Variants in H4C12 observed in about 807,000 individuals in gnomAD.
The protein encoded by H4C12 is histone H4.
Under a neutral mutation model 4.2 loss-of-function variants are expected in H4C12, and 3 were observed. The observed-to-expected ratio is 0.72, with a 90% CI of 0.33 to 1.86. The LOEUF is 1.86. H4C12 is among the 40% of genes most tolerant of loss of function. The pLI, the probability that H4C12 is intolerant of heterozygous loss-of-function variation, is 0.08. For missense variants in H4C12, 81 were observed against 154.6 expected (o/e 0.52, Z 2.52); for synonymous variants, 71 against 65.0 (o/e 1.09, Z -0.44).
rs781475821 is a variant in H4C12, at chr6:27,831,326, G to T, written c.202C>A (p.Arg68=). The change falls in exon 1 of 1, where the codon CGG becomes AGG. Residue 68 remains arginine (R), a synonymous_variant. Transcript: ENST00000611927. ...TGCTCTGTATAGGTCACGGCGTCCC[G>T]GATCACGTTCTCCAGGAACACCTTC... ...VLKVFLENVI[R]DAVTYTEHAK... is the part of the protein sequence containing the mutation. 1 of 1,597,240 alleles carries T rather than the reference G, an allele frequency of 6.3e-7. No individual in the cohort carries two copies. Among genetic ancestry groups the T allele is most frequent in the South Asian group, 1.1e-5 (1 of 90,038 alleles).
rs1195214117 is a variant in H4C12 at position 27,831,428 on chromosome 6, C to T, written c.100G>A (p.Ala34Thr). The T allele has an allele frequency of 6.3e-7, 1 of 1,580,730 alleles. No homozygotes were observed. Residue 34 changes from alanine to threonine, a missense_variant, in exon 1 of 1, where the codon GCC (alanine) becomes ACC (threonine). By Grantham distance (58) the Ala-to-Thr change is moderately conservative (BLOSUM62 0). This residue lies in a region of H4C12 where 25 missense variants were observed against 76.3 expected (regional missense o/e 0.33). Transcript: ENST00000611927. ...CCGCGGCGAGCAAGGCGCCGGATGGCCGGCTTGGTGATGCCCTGGATATTG... is the reference window on the plus strand; with the variant it reads ...CCGCGGCGAGCAAGGCGCCGGATGGTCGGCTTGGTGATGCCCTGGATATTG... ...RDNIQGITKP[A>T]IRRLARRGGV...
In H4C12 at chr6:27,831,219, A is replaced by G; in HGVS notation, c.309T>C (p.Gly103=). Residue 103 remains glycine, a synonymous_variant, in exon 1 of 1, where the codon GGT becomes GGC. Transcript: ENST00000611927. The part of the protein sequence containing the change: ...RQGRTLYGFG[G] ...TTTTGTTGATAGAAAGGGACGCTCA[A>G]CCACCGAAACCGTAGAGGGTGCGGC... The G allele has an allele frequency of 6.2e-7, 1 of 1,603,376 alleles. No homozygotes were observed. The highest frequency in any genetic ancestry group is 8.5e-7 in the Non-Finnish European group (1 of 1,175,754).
Position 27,831,245 on chromosome 6 carries a change from C to T in H4C12, c.283G>A (p.Gly95Ser), listed in dbSNP as rs1400562088. The T allele has an allele frequency of 6.3e-7, 1 of 1,590,848 alleles. No homozygotes were observed. The highest frequency in any genetic ancestry group is 1.4e-5 in the African/African-American group (1 of 73,950). The change falls in exon 1 of 1, where the codon GGC becomes AGC. Residue 95 changes from glycine (G) to serine (S), a missense_variant. Transcript: ENST00000611927. Reference protein sequence around the residue: ...MDVVYALKRQGRTLYGFGG With the variant: ...MDVVYALKRQSRTLYGFGG ...CCACCGAAACCGTAGAGGGTGCGGCCCTGGCGCTTGAGCGCGTAGACCACA... is the reference window on the plus strand; with the variant it reads ...CCACCGAAACCGTAGAGGGTGCGGCTCTGGCGCTTGAGCGCGTAGACCACA...
Position 27,831,319 on chromosome 6 carries a change from G to A in H4C12, c.209C>T (p.Ala70Val), listed in dbSNP as rs966134285. 13 of 1,596,058 alleles carry A rather than the reference G, an allele frequency of 8.1e-6. No homozygotes were observed. The highest frequency in any genetic ancestry group is 1.1e-5 in the Non-Finnish European group (13 of 1,168,618). Residue 70 changes from alanine (A) to valine (V), a missense_variant, in exon 1 of 1, where the codon GCC becomes GTC. Coordinates refer to ENST00000611927, the MANE Select transcript of H4C12 (RefSeq NM_003541.3). ...KVFLENVIRD[A>V]VTYTEHAKRK... The stretch of plus-strand genomic sequence containing the variant: ...CTTGGCGTGCTCTGTATAGGTCACG[G>A]CGTCCCGGATCACGTTCTCCAGGAA...
Position 27,831,214 on chromosome 6 carries a change from G to A in H4C12, c.*2C>T, listed in dbSNP as rs748565395. Reference sequence around the variant, plus strand: ...GGGCCTTTTGTTGATAGAAAGGGACGCTCAACCACCGAAACCGTAGAGGGT... The same window carrying A: ...GGGCCTTTTGTTGATAGAAAGGGACACTCAACCACCGAAACCGTAGAGGGT... On this transcript the variant is annotated 3_prime_UTR_variant, in exon 1 of 1. Coordinates refer to ENST00000611927, the MANE Select transcript of H4C12 (RefSeq NM_003541.3). The A allele has an allele frequency of 1.2e-5, 19 of 1,604,072 alleles. No homozygotes were observed. In the Admixed American group the frequency reaches 2.4e-4, roughly 21 times the overall value.
At position 27,831,291 on chromosome 6, in the gene H4C12, G is replaced by A; in HGVS notation, c.237C>T (p.Arg79=). The change falls in exon 1 of 1, where the codon CGC becomes CGT. Residue 79 remains arginine, a synonymous_variant. Transcript: ENST00000611927. ...CCACATCCATGGCGGTGACCGTCTTGCGCTTGGCGTGCTCTGTATAGGTCA... is the reference window on the plus strand; with the variant it reads ...CCACATCCATGGCGGTGACCGTCTTACGCTTGGCGTGCTCTGTATAGGTCA... The part of the protein sequence containing the change: ...DAVTYTEHAK[R]KTVTAMDVVY... The A allele has an allele frequency of 6.4e-7, 1 of 1,572,890 alleles. No homozygotes were observed. The highest frequency in any genetic ancestry group is 8.6e-7 in the Non-Finnish European group (1 of 1,162,376).
In H4C12 at chr6:27,831,315, C is replaced by T. The variant is rs764527111; in HGVS notation, c.213G>A (p.Val71=). ...TGCGCTTGGCGTGCTCTGTATAGGTCACGGCGTCCCGGATCACGTTCTCCA... is the reference window on the plus strand; with the variant it reads ...TGCGCTTGGCGTGCTCTGTATAGGTTACGGCGTCCCGGATCACGTTCTCCA... ...VFLENVIRDA[V]TYTEHAKRKT... is the part of the protein sequence containing the mutation. Residue 71 remains valine (V), a synonymous_variant, in exon 1 of 1, where the codon GTG becomes GTA. Transcript: ENST00000611927. The T allele has an allele frequency of 5.0e-6, 8 of 1,595,064 alleles. No individual in the cohort carries two copies. The South Asian group carries it at 5.6e-5, about 11-fold the overall frequency.
Position 27,831,556 on chromosome 6 carries a change from T to C in H4C12, c.-29A>G, listed in dbSNP as rs375610604. ...GAGCAAGAGGAGTCTCACCCAACGC[T>C]TTGTGAGGACTCTGGCCTGAGGCAG... On this transcript the variant is annotated 5_prime_UTR_variant, in exon 1 of 1. Coordinates refer to ENST00000611927, the MANE Select transcript of H4C12 (RefSeq NM_003541.3). The C allele has an allele frequency of 3.0e-4, 471 of 1,585,028 alleles. 2 individuals are homozygous for C. Among genetic ancestry groups the C allele is most frequent in the Non-Finnish European group, 3.9e-4 (449 of 1,163,382 alleles).
chr6:27,831,285 C>G lies in H4C12; in HGVS notation c.243G>C (p.Thr81=). The G allele has an allele frequency of 2.6e-6, 4 of 1,562,770 alleles. No individual in the cohort carries two copies. The South Asian group carries it at 3.7e-5, about 14-fold the overall frequency. Residue 81 remains threonine (T), a synonymous_variant, in exon 1 of 1, where the codon ACG becomes ACC. Coordinates refer to ENST00000611927, the MANE Select transcript of H4C12 (RefSeq NM_003541.3). ...VTYTEHAKRK[T]VTAMDVVYAL... is the part of the protein sequence containing the mutation. ...CGTAGACCACATCCATGGCGGTGAC[C>G]GTCTTGCGCTTGGCGTGCTCTGTAT...
Position 27,831,360 on chromosome 6 carries a change from G to A in H4C12, c.168C>T (p.Arg56=), listed in dbSNP as rs371075605. The A allele has an allele frequency of 3.3e-4, 530 of 1,598,942 alleles. No homozygotes were observed. The South Asian group carries it at 3.6e-3, about 11-fold the overall frequency. ...TCTCCAGGAACACCTTCAGCACCCC[G>A]CGAGTCTCCTCGTAGATGAGGCCGG... ...RISGLIYEET[R]GVLKVFLENV... is the part of the protein sequence containing the mutation. The change falls in exon 1 of 1, where the codon CGC becomes CGT. Residue 56 remains arginine, a synonymous_variant. Coordinates refer to ENST00000611927, the MANE Select transcript of H4C12 (RefSeq NM_003541.3).
rs200538218 is a variant in H4C12 at position 27,831,531 on chromosome 6, G to C, written c.-4C>G. On this transcript the variant is annotated 5_prime_UTR_variant, in exon 1 of 1. Coordinates refer to ENST00000611927, the MANE Select transcript of H4C12 (RefSeq NM_003541.3). ...CGCCTTTGCCGCGGCCAGACATGAC[G>C]AGCAAGAGGAGTCTCACCCAACGCT... 5 of 1,576,286 alleles carry C rather than the reference G, an allele frequency of 3.2e-6. No homozygotes were observed. The highest frequency in any genetic ancestry group is 1.2e-5 in the South Asian group (1 of 85,050).
At position 27,831,177 on chromosome 6, in the gene H4C12, G is replaced by A. The variant is rs757466061; in HGVS notation, c.*39C>T. On this transcript the variant is annotated 3_prime_UTR_variant, in exon 1 of 1. Transcript: ENST00000611927. ...CACGGCTCCTCAGCTGAGAAAGTGGGGGCCCTAAAAAGGGCCTTTTGTTGA... is the reference window on the plus strand; with the variant it reads ...CACGGCTCCTCAGCTGAGAAAGTGGAGGCCCTAAAAAGGGCCTTTTGTTGA... 39 of 1,588,994 alleles carry A rather than the reference G, an allele frequency of 2.5e-5. No homozygotes were observed. Among genetic ancestry groups the A allele is most frequent in the Non-Finnish European group, 3.2e-5 (37 of 1,168,536 alleles).
rs544620282 is a variant in H4C12, at chr6:27,831,384, G to GA, written c.143_144insT (p.Gly49ArgfsTer?). ...CGCGAGTCTCCTCGTAGATGAGGCC[G>GA]GAGATGCGCTTCACGCCGCCGCGGC... On this transcript the variant is annotated frameshift_variant, in exon 1 of 1. Coordinates refer to ENST00000611927, the MANE Select transcript of H4C12 (RefSeq NM_003541.3). LOFTEE classifies it high-confidence loss of function. The GA allele has an allele frequency of 1.5e-3, 2,437 of 1,596,000 alleles. 11 individuals are homozygous for GA. Among genetic ancestry groups the GA allele is most frequent in the Non-Finnish European group, 1.5e-3 (1,755 of 1,169,392 alleles).
At position 27,831,264 on chromosome 6, in the gene H4C12, G is replaced by T. The variant is rs767407406; in HGVS notation, c.264C>A (p.Val88=). Residue 88 remains valine, a synonymous_variant, in exon 1 of 1, where the codon GTC becomes GTA. Coordinates refer to ENST00000611927, the MANE Select transcript of H4C12 (RefSeq NM_003541.3). ...TGCGGCCCTGGCGCTTGAGCGCGTA[G>T]ACCACATCCATGGCGGTGACCGTCT... ...KRKTVTAMDV[V]YALKRQGRTL... is the part of the protein sequence containing the mutation. 6 of 1,549,934 alleles carry T rather than the reference G, an allele frequency of 3.9e-6. No individual in the cohort carries two copies. The highest frequency in any genetic ancestry group is 2.8e-5 in the African/African-American group (2 of 72,684).
Position 27,831,182 on chromosome 6 carries a change from C to G in H4C12, c.*34G>C. 1 of 1,593,274 alleles carries G rather than the reference C, an allele frequency of 6.3e-7. No individual in the cohort carries two copies. The highest frequency in any genetic ancestry group is 8.5e-7 in the Non-Finnish European group (1 of 1,170,366). On this transcript the variant is annotated 3_prime_UTR_variant, in exon 1 of 1. Transcript: ENST00000611927. ...CTCCTCAGCTGAGAAAGTGGGGGCC[C>G]TAAAAAGGGCCTTTTGTTGATAGAA...
Position 27,831,308 on chromosome 6 carries a change from T to C in H4C12, c.220A>G (p.Thr74Ala). 1.3e-6 allele frequency: 2 copies of C among 1,592,434 alleles called. No homozygotes were observed. The highest frequency in any genetic ancestry group is 1.7e-6 in the Non-Finnish European group (2 of 1,167,612). Residue 74 changes from threonine (T) to alanine (A), a missense_variant, in exon 1 of 1, where the codon ACA becomes GCA. This residue lies in a region of H4C12 where 56 missense variants were observed against 78.3 expected (regional missense o/e 0.72). Transcript: ENST00000611927. ...ENVIRDAVTY[T>A]EHAKRKTVTA... ...ACCGTCTTGCGCTTGGCGTGCTCTG[T>C]ATAGGTCACGGCGTCCCGGATCACG...
At position 27,831,264 on chromosome 6, in the gene H4C12, G is replaced by A; in HGVS notation, c.264C>T (p.Val88=). 6.5e-7 allele frequency: 1 copy of A among 1,550,050 alleles called. No homozygotes were observed. The highest frequency in any genetic ancestry group is 8.7e-7 in the Non-Finnish European group (1 of 1,155,006). ...KRKTVTAMDV[V]YALKRQGRTL... ...TGCGGCCCTGGCGCTTGAGCGCGTA[G>A]ACCACATCCATGGCGGTGACCGTCT... The change falls in exon 1 of 1, where the codon GTC becomes GTT. Residue 88 remains valine, a synonymous_variant. Coordinates refer to ENST00000611927, the MANE Select transcript of H4C12 (RefSeq NM_003541.3).
rs751320232 is a variant in H4C12 at position 27,831,176 on chromosome 6, G to A, written c.*40C>T. On this transcript the variant is annotated 3_prime_UTR_variant, in exon 1 of 1. Transcript: ENST00000611927. ...TCACGGCTCCTCAGCTGAGAAAGTG[G>A]GGGCCCTAAAAAGGGCCTTTTGTTG... 4.0e-5 allele frequency: 64 copies of A among 1,588,782 alleles called. No individual in the cohort carries two copies. In the East Asian group the frequency reaches 1.3e-3, roughly 33 times the overall value.
rs1194923631 is a variant in H4C12, at chr6:27,831,502, T to C, written c.26A>G (p.Lys9Arg). ...CTTAGCGCCGCCTTTGCCAAGACCC[T>C]TCCCGCCTTTGCCGCGGCCAGACAT... MSGRGKGG[K>R]GLGKGGAKRH... Residue 9 changes from lysine to arginine, a missense_variant, in exon 1 of 1, where the codon AAG becomes AGG. Lys to Arg is a conservative substitution (Grantham distance 26). Around this residue, in one of 2 missense-constraint regions of H4C12, gnomAD observed 25 missense variants for 76.3 expected, o/e 0.33. Transcript: ENST00000611927. The C allele has an allele frequency of 1.9e-6, 3 of 1,544,066 alleles. No individual in the cohort carries two copies. The highest frequency in any genetic ancestry group is 2.6e-6 in the Non-Finnish European group (3 of 1,147,386).
Sources: gnomAD v4.1 joint callset for allele counts on GRCh38, gnomAD v4.1.1 for gene constraint, gnomAD v4.1.1 regional missense constraint, MANE v1.5 for transcripts, NCBI Gene and HGNC (gene_info 2026-07-23, HGNC 2026-07-21) for gene names.